Variants in GABRG3 observed in about 807,000 individuals in gnomAD.
GABRG3 encodes gamma-aminobutyric acid type A receptor subunit gamma3, also known as gamma-aminobutyric acid receptor subunit gamma-3.
In GABRG3, 25 loss-of-function variants were observed where a neutral mutation model predicts 48.8. The ratio of observed to expected loss-of-function variants is 0.51; its 90% confidence interval spans 0.37 to 0.72. GABRG3 has a LOEUF of 0.72. Among genes scored for constraint, GABRG3 ranks in the 30% least tolerant of loss-of-function variants. GABRG3 has a pLI of 0.00. For missense variants in GABRG3, 394 were observed against 577.9 expected, an observed-to-expected ratio of 0.68 and a Z score of 3.26; for synonymous variants, 227 against 217.6, an observed-to-expected ratio of 1.04 and a Z score of -0.38.
intron 3 of GABRG3, among the ~76,000 whole-genome samples, chr15:27,072,624 C>T (rs1267501928): frequency 2.0e-5 from 3 of 152,248 alleles, no homozygotes; most frequent in South Asian, 4.1e-4. Flanking sequence ...AGGAACAGGT[C>T]GGGGGCAGTG....
rs574156136 is a variant in GABRG3, at chr15:27,383,762, A to G, written c.574+54874A>G. ...GTGCATGTCATTTTCTTCATTGTTTATTTTCAGAAAAACGTGTTAATTCCA... is the reference window on the plus strand; with the variant it reads ...GTGCATGTCATTTTCTTCATTGTTTGTTTTCAGAAAAACGTGTTAATTCCA... On this transcript the variant is annotated intron_variant, in intron 5 of 9. Transcript: ENST00000615808. 2.0e-5 allele frequency among the ~76,000 whole-genome samples: 3 copies of G among 152,260 alleles called. No individual in the cohort carries two copies. In the East Asian group the frequency reaches 5.8e-4, roughly 29 times the overall value.
Position 27,458,520 on chromosome 15 carries a change from C to A in GABRG3, c.575-22130C>A, listed in dbSNP as rs551393009. Among the ~76,000 whole-genome samples the A allele has an allele frequency of 3.9e-5, 6 of 152,270 alleles. 1 individual carries two copies. The South Asian group carries it at 1.2e-3, about 32-fold the overall frequency. On this transcript the variant is annotated intron_variant, in intron 5 of 9. Coordinates refer to ENST00000615808, the MANE Select transcript of GABRG3 (RefSeq NM_033223.5). Reference sequence around the variant, plus strand: ...AAGCTCGTCAAGTCTGGAGAGGTATCCACAGCTGCCTCGCAATTTGAGGAG... The same window carrying A: ...AAGCTCGTCAAGTCTGGAGAGGTATACACAGCTGCCTCGCAATTTGAGGAG...
chr15:27,031,163 A>C (rs554939631), intron 3 of GABRG3, among the ~76,000 whole-genome samples: 1 of 152,128 alleles, frequency 6.6e-6, no homozygotes, highest in South Asian at 2.1e-4. Context: ...AATGCACCTT[A>C]ATCCATCTTT....
intron 6 of GABRG3, among the ~76,000 whole-genome samples, chr15:27,504,240 T>G (rs972034567): frequency 1.2e-4 from 19 of 152,150 alleles, no homozygotes; most frequent in African/African-American, 4.6e-4. Context: ...TTTTCTCATC[T>G]TTTGTTCTTT....
chr15:27,130,324 G>A (rs1257317461), intron 3 of GABRG3, among the ~76,000 whole-genome samples: 1 of 152,008 alleles, frequency 6.6e-6, no homozygotes, highest in Non-Finnish European at 1.5e-5. Flanking sequence ...TCCATTTAAT[G>A]GTCTTGGAAC....
At chr15:27,269,886 C>T (rs1350985358) in intron 3 of GABRG3, among the ~76,000 whole-genome samples, 1 of 151,928 alleles carries the variant, frequency 6.6e-6, no homozygotes, top group Non-Finnish European at 1.5e-5. Context: ...AATATATATG[C>T]CTATATTAAG....
chr15:27,521,502 A>G (rs916500375), intron 7 of GABRG3, among the ~76,000 whole-genome samples: 1 of 152,134 alleles, frequency 6.6e-6, no homozygotes, highest in Non-Finnish European at 1.5e-5. Context: ...TCTAAGATGT[A>G]GAAAAATGTT....
chr15:27,212,693 C>G (rs1889115337), intron 3 of GABRG3, among the ~76,000 whole-genome samples: 1 of 152,206 alleles, frequency 6.6e-6, no homozygotes. Flanking sequence ...CATCTTCCCA[C>G]ACTGAAACTT....
chr15:27,312,915 CTA>C (rs906419165), intron 3 of GABRG3, among the ~76,000 whole-genome samples: 1 of 150,690 alleles, frequency 6.6e-6, no homozygotes, highest in Non-Finnish European at 1.5e-5. Context: ...TAATTCTAGT[CTA>C]AAAGTTAAAA....
At chr15:27,221,787 A>G (rs976844064) in intron 3 of GABRG3, among the ~76,000 whole-genome samples, 6 of 152,180 alleles carry the variant, frequency 3.9e-5, no homozygotes, top group Non-Finnish European at 8.8e-5. Flanking sequence ...TGTGTTTCTC[A>G]AGAACTCAAA....
chr15:27,004,705 A>G, intron 2 of GABRG3, among the ~76,000 whole-genome samples: 1 of 152,240 alleles, frequency 6.6e-6, no homozygotes, highest in East Asian at 1.9e-4. Context: ...TGATTGTTTT[A>G]TGTTTCCCAG....
rs73373625 is a variant in GABRG3, at chr15:27,531,020, C to T, written c.1123-1580C>T. ...ATGCTTGGCGATGTTTACACCCACTCGGGACAAAGAACATTAACCTAGAAG... is the reference window on the plus strand; with the variant it reads ...ATGCTTGGCGATGTTTACACCCACTTGGGACAAAGAACATTAACCTAGAAG... On this transcript the variant is annotated intron_variant, in intron 9 of 9. Transcript: ENST00000615808. 6.6e-3 allele frequency: 1,749 copies of T among 263,748 alleles called. 29 individuals carry two copies. The highest frequency in any genetic ancestry group is 0.037 in the African/African-American group (1,653 of 44,418). 16.3% of individuals were successfully genotyped at this position (263,748 alleles called of 1,614,324 possible).
At chr15:27,045,431 C>T (rs1397939940) in intron 3 of GABRG3, among the ~76,000 whole-genome samples, 1 of 152,242 alleles carries the variant, frequency 6.6e-6, no homozygotes, top group Non-Finnish European at 1.5e-5. Flanking sequence ...AGTTTGCACA[C>T]AACCGAATAG....
At chr15:27,092,139 C>A (rs779269146) in intron 3 of GABRG3, among the ~76,000 whole-genome samples, 21 of 152,110 alleles carry the variant, frequency 1.4e-4, no homozygotes, top group Non-Finnish European at 2.6e-4. Context: ...TCACCTGGCC[C>A]TCTACGGGAA....
chr15:27,461,615 C>T (rs1889450873), intron 5 of GABRG3, among the ~76,000 whole-genome samples: 1 of 152,218 alleles, frequency 6.6e-6, no homozygotes, highest in African/African-American at 2.4e-5. Context: ...TGGCCCCACT[C>T]ATATCCTGCC....
intron 3 of GABRG3, among the ~76,000 whole-genome samples, chr15:27,154,133 G>A (rs12907564): frequency 6.6e-6 from 1 of 152,006 alleles, no homozygotes; most frequent in Non-Finnish European, 1.5e-5. Flanking sequence ...ATCCCTCCTT[G>A]TATAGAATCT....
rs765239997 is a variant in GABRG3, at chr15:27,430,862, C to T, written c.575-49788C>T. Among the ~76,000 whole-genome samples the T allele has an allele frequency of 1.2e-4, 18 of 151,936 alleles. 1 individual carries two copies. In the South Asian group the frequency reaches 1.2e-3, roughly 11 times the overall value. ...AAAATTAGCTGGGTGTGGTGGCAGG[C>T]GCCTGTAATCCCAGCTACTCAGGAG... On this transcript the variant is annotated intron_variant, in intron 5 of 9. Transcript: ENST00000615808.
At position 27,537,813 on chromosome 15, in the gene GABRG3, A is replaced by ATTATTTATTTAT. The variant is rs201204761; in HGVS notation, c.*4963_*4974dup. The ATTATTTATTTAT allele has an allele frequency of 3.4e-5, 5 of 147,822 alleles. No homozygotes were observed. The highest frequency in any genetic ancestry group is 7.5e-5 in the African/African-American group (3 of 40,212). 9.2% of individuals were successfully genotyped at this position (147,822 alleles called of 1,614,324 possible). On this transcript the variant is annotated 3_prime_UTR_variant, in exon 10 of 10. Transcript: ENST00000615808. ...GCAGACTTTCTTTATATTTATTTTT[A>ATTATTTATTTAT]TTATTTATTTATTTATTTATTTATT...
intron 7 of GABRG3, among the ~76,000 whole-genome samples, chr15:27,520,870 G>A (rs533879156): frequency 4.4e-5 from 5 of 113,396 alleles, no homozygotes; most frequent in South Asian, 2.7e-4. Context: ...TATTTGCATT[G>A]TTATTTCTCT....
Sources: allele counts gnomAD v4.1 joint callset (sites outside exome capture counted in the v4.1 genomes callset), GRCh38; gene constraint gnomAD v4.1.1; transcripts MANE v1.5; gene names NCBI Gene and HGNC (gene_info 2026-07-23, HGNC 2026-07-21).